KLHL40: variants seen among roughly 807,000 people sequenced by gnomAD.
KLHL40 encodes the protein kelch like family member 40.
Under a neutral mutation model 49.7 loss-of-function variants are expected in KLHL40, and 44 were observed. The ratio of observed to expected loss-of-function variants is 0.89; its 90% CI spans 0.70 to 1.14. The LOEUF is 1.14. Ranked by LOEUF, KLHL40 falls within the 50% of genes most tolerant of loss-of-function variation. The pLI, the probability that KLHL40 is intolerant of heterozygous loss-of-function variation, is 0.00. For synonymous variants in KLHL40, 409 were observed against 365.2 expected, an observed-to-expected ratio of 1.12 and a Z score of -1.37; for missense variants, 892 against 850.3, an observed-to-expected ratio of 1.05 and a Z score of -0.61.
chr3:42,685,642 G>A lies in KLHL40; in HGVS notation c.24G>A (p.Ala8=), dbSNP rs1350823549. MALGLEQ[A]EEQRLYQQTL... Reference sequence around the variant, plus strand: ...CCATGGCGCTGGGCTTGGAGCAGGCGGAGGAGCAGCGGTTGTACCAGCAGA... The same window carrying A: ...CCATGGCGCTGGGCTTGGAGCAGGCAGAGGAGCAGCGGTTGTACCAGCAGA... The change falls in exon 1 of 6, where the codon GCG becomes GCA. Residue 8 remains alanine (A), a synonymous_variant. Coordinates refer to ENST00000287777, the MANE Select transcript of KLHL40 (RefSeq NM_152393.4). 1.9e-6 allele frequency: 3 copies of A among 1,605,788 alleles called. No homozygotes were observed. The highest frequency in any genetic ancestry group is 1.3e-5 in the African/African-American group (1 of 74,722).
At chr3:42,690,497 C>T (rs770415738) in intron 4 of KLHL40, among the ~76,000 whole-genome samples, 110 of 151,986 alleles carry the variant, frequency 7.2e-4, no homozygotes, top group Non-Finnish European at 1.2e-3. Context: ...CTGCAGGGGC[C>T]GCTGAGGGGC....
In KLHL40 at chr3:42,686,637, G is replaced by C. The variant is rs758244161; in HGVS notation, c.1019G>C (p.Cys340Ser). Residue 340 changes from cysteine to serine, a missense_variant, in exon 1 of 6, where the codon TGT becomes TCT. Coordinates refer to ENST00000287777, the MANE Select transcript of KLHL40 (RefSeq NM_152393.4). ...AYDPAANECY[C>S]ASLSNQVPKN... ...GATCCAGCAGCCAACGAGTGCTACT[G>C]TGCTTCCCTCTCCAACCAGGTCCCC... The C allele has an allele frequency of 1.2e-6, 2 of 1,613,954 alleles. No homozygotes were observed. The highest frequency in any genetic ancestry group is 2.7e-5 in the African/African-American group (2 of 74,946).
intron 4 of KLHL40, among the ~76,000 whole-genome samples, chr3:42,690,518 C>T (rs144953156): frequency 6.6e-6 from 1 of 151,916 alleles, no homozygotes; most frequent in South Asian, 2.1e-4. Context: ...AAAAGGACTG[C>T]GTCCAGGGCA....
Position 42,692,018 on chromosome 3 carries a change from C to T in KLHL40, c.*25C>T. ...ACCAGCTCAGGCAGACTGAACTAAGCACCCCTCCCATCCTGCGACCCTCAC... is the reference window on the plus strand; with the variant it reads ...ACCAGCTCAGGCAGACTGAACTAAGTACCCCTCCCATCCTGCGACCCTCAC... On this transcript the variant is annotated 3_prime_UTR_variant, in exon 6 of 6. Coordinates refer to ENST00000287777, the MANE Select transcript of KLHL40 (RefSeq NM_152393.4). The T allele has an allele frequency of 7.2e-7, 1 of 1,386,514 alleles. No homozygotes were observed. The highest frequency in any genetic ancestry group is 1.0e-6 in the Non-Finnish European group (1 of 972,814). 85.9% of individuals were successfully genotyped at this position (1,386,514 alleles called of 1,614,324 possible).
Position 42,691,812 on chromosome 3 carries a change from C to G in KLHL40, c.1755-70C>G, listed in dbSNP as rs554053336. On this transcript the variant is annotated intron_variant, in intron 5 of 5. Transcript: ENST00000287777. ...GCCAAGTGCCCTCAGCCACCCCTCTCTGCTGCGTTCCACTCTGGACTCAGC... is the reference window on the plus strand; with the variant it reads ...GCCAAGTGCCCTCAGCCACCCCTCTGTGCTGCGTTCCACTCTGGACTCAGC... 9 of 959,662 alleles carry G rather than the reference C, an allele frequency of 9.4e-6. No individual in the cohort carries two copies. In the East Asian group the frequency reaches 1.9e-4, roughly 20 times the overall value. The allele number at this position is 959,662 out of a possible 1,614,324, so 59.4% of individuals were successfully genotyped here.
Position 42,685,846 on chromosome 3 carries a change from G to A in KLHL40, c.228G>A (p.Glu76=), listed in dbSNP as rs758064644. Residue 76 remains glutamate (E), a synonymous_variant, in exon 1 of 6, where the codon GAG becomes GAA. Transcript: ENST00000287777. ...PERAGELHLE[E]VSPDVVAQVL... ...GCGCGGGCGAGCTGCACCTGGAGGA[G>A]GTGTCCCCGGACGTGGTGGCCCAGG... The A allele has an allele frequency of 1.9e-6, 3 of 1,613,310 alleles. No homozygotes were observed. The highest frequency in any genetic ancestry group is 4.5e-5 in the East Asian group (2 of 44,868).
chr3:42,686,963 C>A (rs931613956), intron 1 of KLHL40, among the ~76,000 whole-genome samples, 193 bp downstream of exon 1: 4 of 152,230 alleles, frequency 2.6e-5, no homozygotes, highest in African/African-American at 9.6e-5. Context: ...TGCCAAAAAG[C>A]AGCATAACTT....
chr3:42,692,411 G>C lies in KLHL40; in HGVS notation c.*418G>C. ...TCTCCTTCTTTAGGAAGAATAAAGT[G>C]CCTTCTGAGCAAGCAGCTCAGGGTC... On this transcript the variant is annotated 3_prime_UTR_variant, in exon 6 of 6. Coordinates refer to ENST00000287777, the MANE Select transcript of KLHL40 (RefSeq NM_152393.4). The C allele has an allele frequency of 2.4e-6, 1 of 412,216 alleles. No homozygotes were observed. Among genetic ancestry groups the C allele is most frequent in the South Asian group, 3.1e-5 (1 of 31,754 alleles). 25.5% of individuals were successfully genotyped at this position (412,216 alleles called of 1,614,324 possible).
chr3:42,689,656 T>C (rs926106518), intron 4 of KLHL40, among the ~76,000 whole-genome samples: 2 of 151,888 alleles, frequency 1.3e-5, no homozygotes, highest in East Asian at 3.9e-4. Flanking sequence ...GAGAGCAGAT[T>C]AGGGATTTCC....
In KLHL40 at chr3:42,692,176, A is replaced by G; in HGVS notation, c.*183A>G. ...CTGCTTAGTCCTGGACTTTTGGGCA[A>G]GGGTGAGAAACTAGAGGCTTCTCCA... On this transcript the variant is annotated 3_prime_UTR_variant, in exon 6 of 6. Transcript: ENST00000287777. The G allele has an allele frequency of 1.7e-6, 1 of 575,658 alleles. No homozygotes were observed. Among genetic ancestry groups the G allele is most frequent in the Non-Finnish European group, 3.1e-6 (1 of 320,818 alleles). The allele number at this position is 575,658 out of a possible 1,614,324, so 35.7% of individuals were successfully genotyped here.
chr3:42,691,032 G>A (rs370334203), intron 5 of KLHL40, 27 bp downstream of exon 5: 23 of 1,581,604 alleles, frequency 1.5e-5, no homozygotes, highest in African/African-American at 2.7e-5. Flanking sequence ...GGAGGCAAGG[G>A]GGCATCATGA....
At position 42,688,827 on chromosome 3, in the gene KLHL40, G is replaced by A. The variant is rs763265840; in HGVS notation, c.1422-42G>A. Reference sequence around the variant, plus strand: ...GGTGATTGCAGGGAGGCGTGGCTGGGCTCCTGCTTCTCTCCACCCATCCCC... The same window carrying A: ...GGTGATTGCAGGGAGGCGTGGCTGGACTCCTGCTTCTCTCCACCCATCCCC... On this transcript the variant is annotated intron_variant, in intron 3 of 5. Coordinates refer to ENST00000287777, the MANE Select transcript of KLHL40 (RefSeq NM_152393.4). This position sits in a 1 kb window ranked among gnomAD's most constrained non-coding sequence, Gnocchi z 4.2. 3 of 1,600,510 alleles carry A rather than the reference G, an allele frequency of 1.9e-6. No individual in the cohort carries two copies. Among genetic ancestry groups the A allele is most frequent in the Non-Finnish European group, 8.6e-7 (1 of 1,168,106 alleles).
chr3:42,686,503 T>A lies in KLHL40; in HGVS notation c.885T>A (p.Asp295Glu). Residue 295 changes from aspartate (D) to glutamate (E), a missense_variant, in exon 1 of 6, where the codon GAT becomes GAA. By Grantham distance (45) the Asp-to-Glu change is conservative. Coordinates refer to ENST00000287777, the MANE Select transcript of KLHL40 (RefSeq NM_152393.4). ...CAAGCAAAGCCAAAGCAGAGGAGGA[T>A]GAGGAGGCCGAACGTATCCTTCCTG... ...KGTSKAKAEE[D>E]EEAERILPGI... is the part of the protein sequence containing the mutation. 1.9e-6 allele frequency: 3 copies of A among 1,614,014 alleles called. No homozygotes were observed. Among genetic ancestry groups the A allele is most frequent in the Non-Finnish European group, 2.5e-6 (3 of 1,179,998 alleles).
At chr3:42,691,818 C>T (rs1360199743) in intron 5 of KLHL40, 64 bp from the exon 6 acceptor site, 7 of 1,001,240 alleles carry the variant, frequency 7.0e-6, no homozygotes, top group Admixed American at 1.7e-5. Context: ...CTCTCTGCTG[C>T]GTTCCACTCT....
Position 42,686,596 on chromosome 3 carries a change from G to T in KLHL40, c.978G>T (p.Glu326Asp). 6.2e-7 allele frequency: 1 copy of T among 1,614,122 alleles called. No individual in the cohort carries two copies. The highest frequency in any genetic ancestry group is 1.1e-5 in the South Asian group (1 of 91,084). ...ATCTCATCTTCATGATCAGTGAGGA[G>T]GGCGCTGTGGCCTACGATCCAGCAG... ...LQDLIFMISE[E>D]GAVAYDPAAN... is the part of the protein sequence containing the mutation. The change falls in exon 1 of 6, where the codon GAG (glutamate) becomes GAT (aspartate). Residue 326 changes from glutamate (E) to aspartate (D), a missense_variant. Glu to Asp is a conservative substitution (Grantham distance 45, BLOSUM62 2). Transcript: ENST00000287777.
At position 42,691,983 on chromosome 3, in the gene KLHL40, C is replaced by T; in HGVS notation, c.1856C>T (p.Thr619Ile). The change falls in exon 6 of 6, where the codon ACT becomes ATT. Residue 619 changes from threonine to isoleucine, a missense_variant. Physicochemically the swap from Thr to Ile is moderately conservative, Grantham distance 89. Coordinates refer to ENST00000287777, the MANE Select transcript of KLHL40 (RefSeq NM_152393.4). The stretch of plus-strand genomic sequence containing the variant: ...GTGCGGCTCAATGTGCTGTGCCTGA[C>T]TAAGATGTGACCAGCTCAGGCAGAC... Reference protein sequence around the residue: ...LPVRLNVLCLTKM With the variant: ...LPVRLNVLCLIKM 1.9e-6 allele frequency: 3 copies of T among 1,596,466 alleles called. No individual in the cohort carries two copies. Among genetic ancestry groups the T allele is most frequent in the Non-Finnish European group, 2.6e-6 (3 of 1,164,028 alleles).
rs772847156 is a variant in KLHL40 at position 42,685,640 on chromosome 3, G to A, written c.22G>A (p.Ala8Thr). 24 of 1,604,674 alleles carry A rather than the reference G, an allele frequency of 1.5e-5. No individual in the cohort carries two copies. The highest frequency in any genetic ancestry group is 2.0e-5 in the Non-Finnish European group (24 of 1,175,968). The change falls in exon 1 of 6, where the codon GCG becomes ACG. Residue 8 changes from alanine to threonine, a missense_variant. By Grantham distance (58) the Ala-to-Thr change is moderately conservative (BLOSUM62 0). Transcript: ENST00000287777. MALGLEQ[A>T]EEQRLYQQTL... ...CACCATGGCGCTGGGCTTGGAGCAG[G>A]CGGAGGAGCAGCGGTTGTACCAGCA...
chr3:42,692,288 C>A lies in KLHL40; in HGVS notation c.*295C>A. 2.1e-6 allele frequency: 1 copy of A among 469,406 alleles called. No individual in the cohort carries two copies. 29.1% of individuals were successfully genotyped at this position (469,406 alleles called of 1,614,324 possible). A position where few individuals can be genotyped will look rare whatever the true frequency, so the allele number is the denominator to read the frequency against. On this transcript the variant is annotated 3_prime_UTR_variant, in exon 6 of 6. Coordinates refer to ENST00000287777, the MANE Select transcript of KLHL40 (RefSeq NM_152393.4). Reference sequence around the variant, plus strand: ...AGGCCGTGTGCTGGCCCTGCCCCAGCCTAGCTGAGTGTGCTGGCAAAGTTC... The same window carrying A: ...AGGCCGTGTGCTGGCCCTGCCCCAGACTAGCTGAGTGTGCTGGCAAAGTTC...
At position 42,685,827 on chromosome 3, in the gene KLHL40, G is replaced by A. The variant is rs764525245; in HGVS notation, c.209G>A (p.Gly70Asp). 1.2e-6 allele frequency: 2 copies of A among 1,613,074 alleles called. No individual in the cohort carries two copies. Among genetic ancestry groups the A allele is most frequent in the Non-Finnish European group, 1.7e-6 (2 of 1,179,854 alleles). ...ARFLAEPERA[G>D]ELHLEEVSPD... The stretch of plus-strand genomic sequence containing the variant: ...TTTCTAGCCGAGCCGGAGCGCGCGG[G>A]CGAGCTGCACCTGGAGGAGGTGTCC... Residue 70 changes from glycine (G) to aspartate (D), a missense_variant, in exon 1 of 6, where the codon GGC becomes GAC. Gly to Asp is a moderately conservative substitution (Grantham distance 94). Coordinates refer to ENST00000287777, the MANE Select transcript of KLHL40 (RefSeq NM_152393.4).
Sources: gnomAD v4.1 joint callset for allele counts (sites outside exome capture counted in the v4.1 genomes callset) on GRCh38, gnomAD v4.1.1 for gene constraint, Gnocchi (gnomAD v3.1) non-coding constraint, MANE v1.5 for transcripts, NCBI Gene and HGNC (gene_info 2026-07-23, HGNC 2026-07-21) for gene names.